ITFG1: variants seen among roughly 807,000 people sequenced by gnomAD.
ITFG1 encodes T-cell immunomodulatory protein.
Under a neutral mutation model 81.8 loss-of-function variants are expected in ITFG1, and 34 were observed. That is an observed-to-expected ratio of 0.42 (90% CI 0.32 to 0.55). ITFG1 has a LOEUF of 0.55. ITFG1 is among the 20% of genes least tolerant of loss of function. The pLI is 0.17. For missense variants in ITFG1, 672 were observed against 755.4 expected (o/e 0.89, Z 1.29); for synonymous variants, 285 against 270.6 (o/e 1.05, Z -0.52).
chr16:47,369,413 T>C (rs2151588349), intron 7 of ITFG1, among the ~76,000 whole-genome samples: 1 of 152,322 alleles, frequency 6.6e-6, no homozygotes, highest in South Asian at 2.1e-4. Flanking sequence ...ACTTGCAGGG[T>C]TCTGGAGAGG....
intron 8 of ITFG1, among the ~76,000 whole-genome samples, chr16:47,347,203 C>T (rs1220722313): frequency 6.6e-6 from 1 of 152,234 alleles, no homozygotes; most frequent in Non-Finnish European, 1.5e-5. Flanking sequence ...GGGTGCAAGA[C>T]AGTGGGTGCA....
chr16:47,363,505 C>T (rs1295013011), intron 8 of ITFG1, among the ~76,000 whole-genome samples: 1 of 152,090 alleles, frequency 6.6e-6, no homozygotes, highest in Non-Finnish European at 1.5e-5. Flanking sequence ...GAAGCTGAGA[C>T]TACAGGTACA....
chr16:47,214,921 AAC>A (rs57114470), intron 14 of ITFG1, among the ~76,000 whole-genome samples: 25,777 of 144,842 alleles, frequency 0.18, 2,334 homozygotes, highest in Admixed American at 0.26. Context: ...CCAGTGTGAA[AAC>A]ACACACACAC....
At chr16:47,286,664 A>G (rs958561719) in intron 10 of ITFG1, among the ~76,000 whole-genome samples, 9 of 151,948 alleles carry the variant, frequency 5.9e-5, no homozygotes, top group Non-Finnish European at 1.3e-4. Flanking sequence ...GATAATTGCC[A>G]GAGAGTGTTA....
intron 6 of ITFG1, among the ~76,000 whole-genome samples, chr16:47,409,418 T>A (rs1239061565): frequency 9.1e-5 from 6 of 65,868 alleles, no homozygotes; most frequent in African/African-American, 3.1e-4. Flanking sequence ...TTTTTTTTTT[T>A]TTTTTTTTTT....
At chr16:47,416,751 CAGA>C (rs1299768909) in intron 6 of ITFG1, among the ~76,000 whole-genome samples, 2 of 152,098 alleles carry the variant, frequency 1.3e-5, no homozygotes, top group Non-Finnish European at 2.9e-5. Context: ...GAGGCTTCCC[CAGA>C]AGAAGCATGG....
intron 12 of ITFG1, among the ~76,000 whole-genome samples, chr16:47,240,603 T>C (rs1215802203): frequency 3.3e-5 from 5 of 152,168 alleles, no homozygotes; most frequent in East Asian, 3.8e-4. Flanking sequence ...TGCATGCCCA[T>C]GTTCATGGCA....
At chr16:47,441,311 C>T (rs534790305) in intron 5 of ITFG1, among the ~76,000 whole-genome samples, 2 of 152,270 alleles carry the variant, frequency 1.3e-5, no homozygotes, top group Admixed American at 6.5e-5. Flanking sequence ...AAGAGGGAAT[C>T]CTCCCTAACT....
At chr16:47,171,715 GGTTTTGTTTGT>G (rs997682619) in intron 14 of ITFG1, among the ~76,000 whole-genome samples, 2 of 151,438 alleles carry the variant, frequency 1.3e-5, no homozygotes, top group Non-Finnish European at 2.9e-5. Context: ...CAATATGTTT[GGTTTTGTTTGT>G]GTTTTGTTTT....
intron 6 of ITFG1, among the ~76,000 whole-genome samples, chr16:47,387,646 C>T (rs745572650): frequency 5.3e-5 from 8 of 152,176 alleles, no homozygotes; most frequent in Non-Finnish European, 8.8e-5. Context: ...TTTGGAAGGC[C>T]TGCCTTGCGG....
intron 8 of ITFG1, among the ~76,000 whole-genome samples, chr16:47,350,322 C>T (rs1402248659): frequency 6.6e-6 from 1 of 151,844 alleles, no homozygotes; most frequent in East Asian, 1.9e-4. Flanking sequence ...ACTAGCAAGA[C>T]TAATAAAGAA....
At chr16:47,419,104 C>T (rs542618924) in intron 6 of ITFG1, among the ~76,000 whole-genome samples, 1 of 152,206 alleles carries the variant, frequency 6.6e-6, no homozygotes, top group South Asian at 2.1e-4. Context: ...CACTAGTTCA[C>T]GTTGTTTTAT....
chr16:47,311,745 C>T (rs1225025576), intron 9 of ITFG1: 3 of 171,144 alleles, frequency 1.8e-5, no homozygotes, highest in Non-Finnish European at 2.5e-5. Context: ...AACTGTGTCA[C>T]ATAGAAACAC....
rs188593380 is a variant in ITFG1 at position 47,350,138 on chromosome 16, T to C, written c.802+15650A>G. On this transcript the variant is annotated intron_variant, in intron 8 of 17. Transcript: ENST00000320640. ...GAAAGATCTAAAATTGACACCCTAA[T>C]ATCACAATTAAAAGAACTAGAGAAG... 4.3e-3 allele frequency among the ~76,000 whole-genome samples: 660 copies of C among 152,040 alleles called. 6 individuals are homozygous for C. Among genetic ancestry groups the C allele is most frequent in the African/African-American group, 0.015 (615 of 41,454 alleles).
At chr16:47,396,829 T>C (rs1020973048) in intron 6 of ITFG1, among the ~76,000 whole-genome samples, 2 of 151,896 alleles carry the variant, frequency 1.3e-5, no homozygotes, top group African/African-American at 4.8e-5. Context: ...ATGTGACTGG[T>C]GGTTTTGGAG....
At chr16:47,427,484 C>T (rs183389476) in intron 6 of ITFG1, among the ~76,000 whole-genome samples, 33 of 152,226 alleles carry the variant, frequency 2.2e-4, no homozygotes, top group African/African-American at 7.7e-4. Flanking sequence ...TGGTGAAACC[C>T]CGTCTCTACT....
chr16:47,222,666 G>C (rs1270056623), intron 13 of ITFG1, among the ~76,000 whole-genome samples: 2 of 152,166 alleles, frequency 1.3e-5, no homozygotes, highest in Non-Finnish European at 2.9e-5. Context: ...GCCTGCCTCG[G>C]CCTCCCAAAG....
intron 14 of ITFG1, among the ~76,000 whole-genome samples, chr16:47,193,655 C>G (rs1361964553): frequency 6.6e-6 from 1 of 152,162 alleles, no homozygotes; most frequent in East Asian, 1.9e-4. Flanking sequence ...AATCACAGCA[C>G]TGCACTCTAG....
chr16:47,378,967 C>A (rs1376368065), intron 6 of ITFG1, among the ~76,000 whole-genome samples: 3 of 152,128 alleles, frequency 2.0e-5, no homozygotes, highest in Admixed American at 2.0e-4. Flanking sequence ...ACCCAGATGC[C>A]CTTTTGGGAA....
Sources: allele counts gnomAD v4.1 joint callset (sites outside exome capture counted in the v4.1 genomes callset), GRCh38; gene constraint gnomAD v4.1.1; transcripts MANE v1.5; gene names NCBI Gene and HGNC (gene_info 2026-07-23, HGNC 2026-07-21).